The following TBX1 variants were observed in gnomAD, a reference collection of about 807,000 sequenced individuals.
TBX1 encodes the protein T-box transcription factor 1.
A neutral mutation model predicts 40.8 loss-of-function variants in TBX1; 16 were observed. The observed-to-expected ratio is 0.39, with a 90% CI of 0.27 to 0.60. The LOEUF is 0.60. Ranked by LOEUF, TBX1 falls within the 20% of genes least tolerant of loss-of-function variation. The probability of loss-of-function intolerance (pLI) is 0.51; values close to 1 mark genes in which losing one functional copy is unlikely to be tolerated. For synonymous variants in TBX1, 403 were observed against 336.8 expected (o/e 1.20, Z -2.15); for missense variants, 755 against 728.5 (o/e 1.04, Z -0.42).
chr22:19,781,234 A>C (rs2051711665), downstream of TBX1, among the ~76,000 whole-genome samples: 1 of 151,624 alleles, frequency 6.6e-6, no homozygotes, highest in Non-Finnish European at 1.5e-5. Context: ...TACTTAAGTC[A>C]TTTGTCTATT....
At chr22:19,778,726 T>C (rs1488123076) in intron 8 of TBX1, among the ~76,000 whole-genome samples, 1 of 152,108 alleles carries the variant, frequency 6.6e-6, no homozygotes, top group African/African-American at 2.4e-5. Flanking sequence ...TGAGCCACCG[T>C]GTCCAGCCCC....
downstream of TBX1, among the ~76,000 whole-genome samples, chr22:19,780,337 T>C (rs976717121): frequency 2.0e-5 from 3 of 152,242 alleles, no homozygotes; most frequent in African/African-American, 7.2e-5. Context: ...CTGACTACTC[T>C]AGGCGCCTCA....
upstream of TBX1, chr22:19,760,764 G>A: frequency 3.2e-6 from 1 of 309,494 alleles, no homozygotes; most frequent in African/African-American, 2.4e-5. Flanking sequence ...GGCGCACGCA[G>A]CGCGGCGCCC....
upstream of TBX1, among the ~76,000 whole-genome samples, chr22:19,757,024 G>C (rs1231273133): frequency 6.6e-6 from 1 of 152,202 alleles, no homozygotes; most frequent in Non-Finnish European, 1.5e-5. Flanking sequence ...GCTCCGGCTG[G>C]AGGCTGGGAC....
chr22:19,766,648 C>T lies in TBX1; in HGVS notation c.1296C>T (p.Tyr432=), dbSNP rs1466435688. 4 of 1,554,214 alleles carry T rather than the reference C, an allele frequency of 2.6e-6. No individual in the cohort carries two copies. Among genetic ancestry groups the T allele is most frequent in the Admixed American group, 3.6e-5 (2 of 55,870 alleles). The change falls in exon 7 of 7, where the codon TAC becomes TAT. Residue 432 remains tyrosine, a synonymous_variant. Transcript: ENST00000649276. ...CCTACAAATATCCGGCCGCCGCCTACGACCACTATCTCGGGGCCAAGAGCC... is the reference window on the plus strand; with the variant it reads ...CCTACAAATATCCGGCCGCCGCCTATGACCACTATCTCGGGGCCAAGAGCC... ...HHPYKYPAAA[Y]DHYLGAKSRP... is the part of the protein sequence containing the mutation.
At chr22:19,773,487 C>T (rs1232014844) in intron 8 of TBX1, among the ~76,000 whole-genome samples, 1 of 152,212 alleles carries the variant, frequency 6.6e-6, no homozygotes, top group East Asian at 1.9e-4. Flanking sequence ...CCAGGTGGCC[C>T]CTCCAGCTTG....
rs774556411 is a variant in TBX1, at chr22:19,761,146, C to G, written c.303C>G (p.Ser101Arg). ...AAAEPEGPGA[S>R]CAAAAKAPVK... ...CCGAGCCCGAGGGCCCCGGGGCCAG[C>G]TGCGCGGCCGCAGCCAAGGCGCCGG... The change falls in exon 1 of 7, where the codon AGC becomes AGG. Residue 101 changes from serine (S) to arginine (R), a missense_variant. By Grantham distance (110) the Ser-to-Arg change is moderately radical (BLOSUM62 -1). This residue lies in a region of TBX1 where 199 missense variants were observed against 173.0 expected (regional missense o/e 1.15). Transcript: ENST00000649276. The G allele has an allele frequency of 7.4e-6, 11 of 1,479,740 alleles. No homozygotes were observed. Among genetic ancestry groups the G allele is most frequent in the Non-Finnish European group, 9.9e-6 (11 of 1,108,494 alleles). 91.7% of individuals were successfully genotyped at this position (1,479,740 alleles called of 1,614,324 possible).
chr22:19,757,452 A>G (rs1233540715), upstream of TBX1, among the ~76,000 whole-genome samples: 1 of 151,954 alleles, frequency 6.6e-6, no homozygotes, highest in Admixed American at 6.6e-5. Flanking sequence ...TCCCTCCTCA[A>G]TGTTGGCCTC....
chr22:19,764,646 G>A (rs948269288), intron 3 of TBX1, among the ~76,000 whole-genome samples: 1 of 152,238 alleles, frequency 6.6e-6, no homozygotes, highest in African/African-American at 2.4e-5. Context: ...TAATGGAAAA[G>A]ATGGGGCCCT....
chr22:19,771,196 G>T (rs1348463394), downstream of TBX1, among the ~76,000 whole-genome samples: 2 of 152,202 alleles, frequency 1.3e-5, no homozygotes, highest in African/African-American at 2.4e-5. Context: ...GCAGAGCCTG[G>T]CCAAGGAGCA....
downstream of TBX1, chr22:19,782,947 C>T: frequency 1.3e-6 from 2 of 1,587,870 alleles, no homozygotes; most frequent in Non-Finnish European, 1.7e-6. Flanking sequence ...TCCAACCTGG[C>T]TTGCTGGACG....
chr22:19,770,129 C>G (rs1292963076), downstream of TBX1, among the ~76,000 whole-genome samples: 1 of 152,210 alleles, frequency 6.6e-6, no homozygotes, highest in Non-Finnish European at 1.5e-5. Flanking sequence ...GGTCCAGAGG[C>G]CCCGTTGCCC....
At chr22:19,767,527 T>C (rs920024519), downstream of TBX1, among the ~76,000 whole-genome samples, 2 of 151,190 alleles carry the variant, frequency 1.3e-5, no homozygotes, top group Admixed American at 6.6e-5. Context: ...GGGCTCCCAC[T>C]GCCCCTCCCC....
At chr22:19,762,480 C>G (rs1050628237) in intron 1 of TBX1, among the ~76,000 whole-genome samples, 1 of 152,254 alleles carries the variant, frequency 6.6e-6, no homozygotes, top group African/African-American at 2.4e-5. Context: ...AGCCCATGGC[C>G]TACACCCGTC....
downstream of TBX1, among the ~76,000 whole-genome samples, chr22:19,771,693 C>T (rs41300458): frequency 2.1e-3 from 323 of 152,322 alleles, no homozygotes; most frequent in African/African-American, 7.0e-3. Context: ...CTTTGGGGTG[C>T]ATCTCCCCAT....
downstream of TBX1, among the ~76,000 whole-genome samples, chr22:19,781,922 A>C (rs911380505): frequency 6.6e-6 from 1 of 152,196 alleles, no homozygotes; most frequent in Non-Finnish European, 1.5e-5. Flanking sequence ...CAGGAGTTCA[A>C]GACCAGACTG....
intron 8 of TBX1, chr22:19,779,073 C>T (rs1177943604): frequency 1.3e-5 from 11 of 876,320 alleles, no homozygotes; most frequent in Middle Eastern, 2.7e-4. Flanking sequence ...GTCCTGTGGG[C>T]GGCTCGGCTC....
chr22:19,764,941 C>G lies in TBX1; in HGVS notation c.712-17C>G. 6.2e-7 allele frequency: 1 copy of G among 1,613,906 alleles called. No individual in the cohort carries two copies. Among genetic ancestry groups the G allele is most frequent in the Non-Finnish European group, 8.5e-7 (1 of 1,179,888 alleles). ...CCAGCCCCACCGCTGGAGCTGATTC[C>G]CCACCTTGTCTTCCAGATTATTCTG... is the stretch of plus-strand genomic sequence containing the variant. On this transcript the variant is annotated splice_polypyrimidine_tract_variant and intron_variant, in intron 3 of 6. Transcript: ENST00000649276.
chr22:19,766,125 G>C, intron 6 of TBX1, 123 bp downstream of exon 6: 7 of 907,220 alleles, frequency 7.7e-6, no homozygotes, highest in Non-Finnish European at 9.7e-6. Flanking sequence ...GTTGCACAAC[G>C]GCCGCGGCGG....
Sources: allele counts gnomAD v4.1 joint callset (sites outside exome capture counted in the v4.1 genomes callset), GRCh38; gene constraint gnomAD v4.1.1; regional missense constraint gnomAD v4.1.1; transcripts MANE v1.5; gene names NCBI Gene and HGNC (gene_info 2026-07-23, HGNC 2026-07-21).